SLC25A33: variants seen among roughly 807,000 people sequenced by gnomAD.
SLC25A33 encodes solute carrier family 25 member 33.
SLC25A33 carries 15 observed loss-of-function variants against 35.5 expected under a neutral mutation model. The observed-to-expected ratio is 0.42, with a 90% confidence interval of 0.28 to 0.65. The LOEUF is 0.65. Among genes scored for constraint, SLC25A33 ranks in the 30% least tolerant of loss-of-function variants. The pLI, the probability that SLC25A33 is intolerant of heterozygous loss-of-function variation, is 0.20. For missense variants in SLC25A33, 257 were observed against 398.5 expected, an observed-to-expected ratio of 0.64 and a Z score of 3.02; for synonymous variants, 136 against 148.7, an observed-to-expected ratio of 0.91 and a Z score of 0.62.
intron 2 of SLC25A33, among the ~76,000 whole-genome samples, chr1:9,566,028 G>A (rs563014847): frequency 2.6e-5 from 4 of 151,820 alleles, no homozygotes; most frequent in South Asian, 4.2e-4. Flanking sequence ...GCCCTCCCCC[G>A]CCAACTTTTT....
chr1:9,568,862 A>G (rs968699503), intron 3 of SLC25A33, among the ~76,000 whole-genome samples: 2 of 151,736 alleles, frequency 1.3e-5, no homozygotes, highest in African/African-American at 4.8e-5. Flanking sequence ...AAAAAGAGAA[A>G]ATGAAGTCTT....
At chr1:9,564,765 T>TATATATATATATATATATATATACACAC (rs59741987) in intron 2 of SLC25A33, among the ~76,000 whole-genome samples, 1 of 114,824 alleles carries the variant, frequency 8.7e-6, no homozygotes, top group Non-Finnish European at 1.8e-5. Flanking sequence ...TATATATATA[T>TATATATATATATATATATATATACACAC]ACACAAAAAT....
chr1:9,546,722 TAGAA>T (rs1643177135), intron 1 of SLC25A33, among the ~76,000 whole-genome samples: 2 of 152,146 alleles, frequency 1.3e-5, no homozygotes, highest in Admixed American at 1.3e-4. Flanking sequence ...TTGCAAGTAA[TAGAA>T]GATTCAACTT....
intron 1 of SLC25A33, among the ~76,000 whole-genome samples, chr1:9,547,509 G>A (rs1386597952): frequency 6.6e-6 from 1 of 152,000 alleles, no homozygotes; most frequent in African/African-American, 2.4e-5. Flanking sequence ...AGGGATGGAT[G>A]CTGGGGAGGC....
At chr1:9,545,565 T>G (rs1306428414) in intron 1 of SLC25A33, among the ~76,000 whole-genome samples, 1 of 148,604 alleles carries the variant, frequency 6.7e-6, no homozygotes, top group Non-Finnish European at 1.5e-5. Flanking sequence ...GCCTGGCTAA[T>G]TTTTTTTTTG....
intron 1 of SLC25A33, among the ~76,000 whole-genome samples, chr1:9,550,669 T>C (rs1409247805): frequency 6.6e-6 from 1 of 151,986 alleles, no homozygotes; most frequent in Non-Finnish European, 1.5e-5. Flanking sequence ...TTTTTATTAA[T>C]TAATTAATTA....
intron 1 of SLC25A33, among the ~76,000 whole-genome samples, chr1:9,551,213 T>C (rs1302005193): frequency 1.3e-5 from 2 of 151,722 alleles, no homozygotes; most frequent in African/African-American, 4.8e-5. Flanking sequence ...TGAAAGCCCA[T>C]CTCTACTAAA....
intron 2 of SLC25A33, among the ~76,000 whole-genome samples, 175 bp downstream of exon 2, chr1:9,553,980 C>T (rs1277630555): frequency 2.6e-5 from 4 of 152,156 alleles, no homozygotes; most frequent in Admixed American, 1.3e-4. Context: ...CCCCTGGCAG[C>T]GGGGGGTCCC....
In SLC25A33 at chr1:9,583,516, G is replaced by T. The variant is rs116046263; in HGVS notation, c.*1015G>T. 81 of 152,282 alleles carry T rather than the reference G, an allele frequency of 5.3e-4. No homozygotes were observed. The highest frequency in any genetic ancestry group is 1.9e-3 in the African/African-American group (77 of 41,556). 9.4% of individuals were successfully genotyped at this position (152,282 alleles called of 1,614,324 possible). On this transcript the variant is annotated 3_prime_UTR_variant, in exon 7 of 7. Coordinates refer to ENST00000302692, the MANE Select transcript of SLC25A33 (RefSeq NM_032315.3). ...AAGTTAAGACCAGTTGCCTTGTTAA[G>T]TGTGTTGACAGCACAGCTACCCTGT...
rs1350084982 is a variant in SLC25A33, at chr1:9,576,968, C to T, written c.483-2986C>T. On this transcript the variant is annotated intron_variant, in intron 5 of 6. Transcript: ENST00000302692. ...CTATGTCTCTGAAAAAGGAACTGTT[C>T]AGCAGGCTGATGAATAAGATCTAAG... The T allele has an allele frequency of 4.0e-6, 5 of 1,234,720 alleles. No homozygotes were observed. In the South Asian group the frequency reaches 6.0e-5, roughly 15 times the overall value. 76.5% of individuals were successfully genotyped at this position (1,234,720 alleles called of 1,614,324 possible). A position where few individuals can be genotyped will look rare whatever the true frequency, so the allele number is the denominator to read the frequency against.
At chr1:9,568,923 T>C (rs1434391449) in intron 3 of SLC25A33, among the ~76,000 whole-genome samples, 2 of 151,714 alleles carry the variant, frequency 1.3e-5, no homozygotes, top group African/African-American at 4.8e-5. Flanking sequence ...CAAAAGCTTA[T>C]AGAATTCTTC....
intron 2 of SLC25A33, among the ~76,000 whole-genome samples, chr1:9,560,873 C>A (rs1569858084): frequency 6.8e-6 from 1 of 147,590 alleles, no homozygotes; most frequent in Admixed American, 6.8e-5. Context: ...CAGGTATTTG[C>A]TTTTAAAAAA....
rs1643754408 is a variant in SLC25A33, at chr1:9,582,160, C to T, written c.764-139C>T. Reference sequence around the variant, plus strand: ...AACTCCTGGCCTCAAGTGATCCACCCGCCTCGGCCTCCCAAAGTTCTGGGA... The same window carrying T: ...AACTCCTGGCCTCAAGTGATCCACCTGCCTCGGCCTCCCAAAGTTCTGGGA... On this transcript the variant is annotated intron_variant, in intron 6 of 6. Transcript: ENST00000302692. This position sits in a 1 kb window ranked among gnomAD's most constrained non-coding sequence, Gnocchi z 4.0. 2 of 817,312 alleles carry T rather than the reference C, an allele frequency of 2.4e-6. No homozygotes were observed. The highest frequency in any genetic ancestry group is 1.7e-5 in the South Asian group (1 of 57,820). The allele number at this position is 817,312 out of a possible 1,614,324, so 50.6% of individuals were successfully genotyped here. A position where few individuals can be genotyped will look rare whatever the true frequency, so the allele number is the denominator to read the frequency against.
At chr1:9,540,669 G>A (rs1038301391) in intron 1 of SLC25A33, among the ~76,000 whole-genome samples, 1 of 152,236 alleles carries the variant, frequency 6.6e-6, no homozygotes, top group African/African-American at 2.4e-5. Context: ...CATCGGCCTG[G>A]CACAGGAATT....
At chr1:9,546,810 A>G (rs1236349544) in intron 1 of SLC25A33, among the ~76,000 whole-genome samples, 1 of 152,132 alleles carries the variant, frequency 6.6e-6, no homozygotes, top group African/African-American at 2.4e-5. Flanking sequence ...GGCTTAGCTG[A>G]GCAGTGCATC....
At chr1:9,581,116 G>A (rs1250801999) in intron 6 of SLC25A33, among the ~76,000 whole-genome samples, 1 of 152,080 alleles carries the variant, frequency 6.6e-6, no homozygotes, top group African/African-American at 2.4e-5. Context: ...TTTGTGTCCT[G>A]GAGCACTAAG....
At chr1:9,541,941 A>T (rs943962459) in intron 1 of SLC25A33, among the ~76,000 whole-genome samples, 1 of 151,962 alleles carries the variant, frequency 6.6e-6, no homozygotes, top group Non-Finnish European at 1.5e-5. Flanking sequence ...CTGGGACTAC[A>T]GGTGCCCGCC....
At chr1:9,539,872 G>C in intron 1 of SLC25A33, 125 bp downstream of exon 1, 1 of 881,610 alleles carries the variant, frequency 1.1e-6, no homozygotes, top group South Asian at 4.8e-5. Flanking sequence ...CCGGCGCTCG[G>C]GAGGAGGAAG....
At chr1:9,561,332 T>G (rs1399512777) in intron 2 of SLC25A33, among the ~76,000 whole-genome samples, 2 of 152,212 alleles carry the variant, frequency 1.3e-5, no homozygotes, top group African/African-American at 4.8e-5. Flanking sequence ...AGTGTTCAGA[T>G]GAGACATTTG....
Sources: gnomAD v4.1 joint callset for allele counts (sites outside exome capture counted in the v4.1 genomes callset) on GRCh38, gnomAD v4.1.1 for gene constraint, Gnocchi (gnomAD v3.1) non-coding constraint, MANE v1.5 for transcripts, NCBI Gene and HGNC (gene_info 2026-07-23, HGNC 2026-07-21) for gene names.